The following SANBR variants were observed in gnomAD, a reference collection of about 807,000 sequenced individuals.
SANBR encodes the protein SANT and BTB domain regulator of CSR.
In SANBR, 77 loss-of-function variants were observed where a neutral mutation model predicts 101.8. That is an observed-to-expected ratio of 0.76 (90% CI 0.63 to 0.91). SANBR has a LOEUF of 0.91. Ranked by LOEUF, SANBR falls within the 40% of genes least tolerant of loss-of-function variation. The pLI is 0.00. For missense variants in SANBR, 875 were observed against 853.0 expected, an observed-to-expected ratio of 1.03 and a Z score of -0.32; for synonymous variants, 279 against 274.7, an observed-to-expected ratio of 1.02 and a Z score of -0.15.
intron 17 of SANBR, among the ~76,000 whole-genome samples, chr2:61,116,610 C>G (rs1684090087): frequency 6.6e-6 from 1 of 151,898 alleles, no homozygotes; most frequent in Admixed American, 6.6e-5. Context: ...TAGTAATAAC[C>G]ACCATTGGCT....
At chr2:61,080,755 T>C (rs908057122) in intron 6 of SANBR, among the ~76,000 whole-genome samples, 12 of 152,022 alleles carry the variant, frequency 7.9e-5, no homozygotes, top group African/African-American at 2.7e-4. Flanking sequence ...ACAAAAAACC[T>C]TGAATCTAGA....
intron 12 of SANBR, among the ~76,000 whole-genome samples, chr2:61,102,326 C>G (rs1276948748): frequency 1.4e-5 from 2 of 141,878 alleles, no homozygotes; most frequent in Admixed American, 7.2e-5. Context: ...GCGATCGTAC[C>G]ACTGCACTCT....
downstream of SANBR, among the ~76,000 whole-genome samples, chr2:61,128,440 A>T (rs990618223): frequency 6.6e-6 from 1 of 152,110 alleles, no homozygotes; most frequent in Non-Finnish European, 1.5e-5. Flanking sequence ...GGATTGCTTG[A>T]GGCTAAGAGT....
intron 21 of SANBR, among the ~76,000 whole-genome samples, chr2:61,136,252 C>T (rs1204901518): frequency 1.3e-5 from 2 of 149,750 alleles, no homozygotes; most frequent in African/African-American, 4.9e-5. Flanking sequence ...TGCAGTGAGC[C>T]AAGATCGCAC....
chr2:61,119,904 A>G (rs139483013), intron 20 of SANBR, among the ~76,000 whole-genome samples: 6 of 152,216 alleles, frequency 3.9e-5, no homozygotes, highest in African/African-American at 1.4e-4. Context: ...AGAAGTTGCA[A>G]TGAGCCAAGA....
At chr2:61,137,136 G>A (rs1215047929) in intron 21 of SANBR, among the ~76,000 whole-genome samples, 5 of 151,912 alleles carry the variant, frequency 3.3e-5, no homozygotes, top group Non-Finnish European at 5.9e-5. Context: ...AAATTAGCGG[G>A]GCATGGTGGT....
chr2:61,091,593 C>CAA (rs35588752), intron 10 of SANBR, among the ~76,000 whole-genome samples: 58 of 133,700 alleles, frequency 4.3e-4, no homozygotes, highest in African/African-American at 1.5e-3. Context: ...AAACTCCGTC[C>CAA]AAAAAAAAAA....
chr2:61,115,725 A>G (rs1206903091), intron 16 of SANBR: 1 of 260,924 alleles, frequency 3.8e-6, no homozygotes, highest in Non-Finnish European at 7.4e-6. Context: ...GCACTCCAGC[A>G]TGGGTGACAG....
chr2:61,097,260 C>T (rs559350425), intron 11 of SANBR, among the ~76,000 whole-genome samples: 3 of 152,280 alleles, frequency 2.0e-5, no homozygotes, highest in African/African-American at 7.2e-5. Context: ...ATATCAAGAT[C>T]AGTTTAATTC....
At chr2:61,075,154 AT>A (rs1376673352) in intron 5 of SANBR, 2 of 152,322 alleles carry the variant, frequency 1.3e-5, no homozygotes, top group African/African-American at 2.4e-5. Flanking sequence ...ACACAATTCA[AT>A]TAAATTCATG....
downstream of SANBR, among the ~76,000 whole-genome samples, chr2:61,128,964 A>C (rs1399624679): frequency 6.6e-6 from 1 of 152,104 alleles, no homozygotes; most frequent in African/African-American, 2.4e-5. Context: ...CCTGTTCCAA[A>C]ACGAAGGAGG....
rs780158498 is a variant in SANBR at position 61,092,552 on chromosome 2, A to G, written c.1177A>G (p.Thr393Ala). The part of the protein sequence containing the change: ...WRDVYWRLWG[T>A]INWLTCSRCY... ...AGATGTATACTGGCGATTGTGGGGA[A>G]CAATCAATTGGCTGACTTGTTCAAG... Residue 393 changes from threonine (T) to alanine (A), a missense_variant, in exon 11 of 22, where the codon ACA (threonine) becomes GCA (alanine). By Grantham distance (58) the Thr-to-Ala change is moderately conservative (BLOSUM62 0). Coordinates refer to ENST00000402291, the MANE Select transcript of SANBR (RefSeq NM_001129993.3). 3 of 1,604,500 alleles carry G rather than the reference A, an allele frequency of 1.9e-6. No individual in the cohort carries two copies. The highest frequency in any genetic ancestry group is 2.5e-6 in the Non-Finnish European group (3 of 1,176,528).
At chr2:61,074,067 C>A (rs1220588512) in intron 5 of SANBR, among the ~76,000 whole-genome samples, 1 of 152,038 alleles carries the variant, frequency 6.6e-6, no homozygotes, top group Admixed American at 6.6e-5. Flanking sequence ...AATGGATGTA[C>A]CATATAACCA....
intron 3 of SANBR, 92 bp downstream of exon 3, chr2:61,070,592 T>C: frequency 8.4e-7 from 1 of 1,197,294 alleles, no homozygotes; most frequent in South Asian, 1.4e-5. Context: ...AATATTTGAG[T>C]TTTACATATT....
chr2:61,126,018 G>A (rs930255236), downstream of SANBR, among the ~76,000 whole-genome samples: 3 of 152,088 alleles, frequency 2.0e-5, no homozygotes, highest in Non-Finnish European at 2.9e-5. Flanking sequence ...GTGCACTTTC[G>A]GTAGTTTCAG....
intron 16 of SANBR, among the ~76,000 whole-genome samples, chr2:61,113,746 T>C (rs1683945259): frequency 6.6e-6 from 1 of 152,224 alleles, no homozygotes; most frequent in African/African-American, 2.4e-5. Flanking sequence ...TTTATTTATA[T>C]GTCTTGCCTT....
At chr2:61,087,573 C>T (rs1043566683) in intron 8 of SANBR, among the ~76,000 whole-genome samples, 27 of 151,696 alleles carry the variant, frequency 1.8e-4, no homozygotes, top group Non-Finnish European at 2.9e-4. Flanking sequence ...AAAATAAGGC[C>T]GGGTGCAGTG....
At chr2:61,067,867 T>A (rs1171775842) in intron 1 of SANBR, among the ~76,000 whole-genome samples, 1 of 152,212 alleles carries the variant, frequency 6.6e-6, no homozygotes, top group Non-Finnish European at 1.5e-5. Context: ...AGAAAGCAAG[T>A]CTTTCAAGGA....
intron 20 of SANBR, among the ~76,000 whole-genome samples, chr2:61,119,564 A>C (rs1007554924): frequency 1.3e-5 from 2 of 152,240 alleles, no homozygotes; most frequent in African/African-American, 2.4e-5. Context: ...GCAAAAGAGT[A>C]AACAGACACC....
Sources: gnomAD v4.1 joint callset for allele counts (sites outside exome capture counted in the v4.1 genomes callset) on GRCh38, gnomAD v4.1.1 for gene constraint, MANE v1.5 for transcripts, NCBI Gene and HGNC (gene_info 2026-07-23, HGNC 2026-07-21) for gene names.